The following RFTN1 variants were observed in gnomAD, a reference collection of about 807,000 sequenced individuals.
The protein encoded by RFTN1 is raftlin.
A neutral mutation model predicts 46.5 loss-of-function variants in RFTN1; 26 were observed. The ratio of observed to expected loss-of-function variants is 0.56; its 90% CI spans 0.41 to 0.78. The LOEUF (loss-of-function observed/expected upper bound fraction) is 0.78, where lower values mean the gene tolerates loss of function less well. Ranked by LOEUF, RFTN1 falls within the 30% of genes least tolerant of loss-of-function variation. RFTN1 has a pLI of 0.00. For missense variants in RFTN1, 693 were observed against 718.7 expected (o/e 0.96, Z 0.41); for synonymous variants, 261 against 284.2 (o/e 0.92, Z 0.82).
In RFTN1 at chr3:16,409,432, G is replaced by A. The variant is rs369536397; in HGVS notation, c.384C>T (p.Cys128=). The A allele has an allele frequency of 7.4e-6, 12 of 1,613,686 alleles. No individual in the cohort carries two copies. The highest frequency in any genetic ancestry group is 9.3e-6 in the Non-Finnish European group (11 of 1,179,724). The change falls in exon 4 of 10, where the codon TGC becomes TGT. Residue 128 remains cysteine, a synonymous_variant. Transcript: ENST00000334133. ...CTGTCGGGTGGTCTAAGGAGGAACA[G>A]CAATCTAATTCCAAGATGTAGCCTT... ...HNEGYILELD[C]CSSLDHPTDQ...
chr3:16,415,626 C>G (rs1448566629), intron 3 of RFTN1, among the ~76,000 whole-genome samples: 1 of 151,392 alleles, frequency 6.6e-6, no homozygotes, highest in Non-Finnish European at 1.5e-5. Context: ...GACCCTCCAC[C>G]ATGAAGAGGG....
In RFTN1 at chr3:16,459,217, C is replaced by T. The variant is rs2075965542; in HGVS notation, c.146-25180G>A. ...AAGTGCTGGAATTACAGGTATGAGC[C>T]ACTGTGCCTGGCCACTACTGTGTTT... On this transcript the variant is annotated intron_variant, in intron 2 of 9. Transcript: ENST00000334133. The surrounding 1 kb of genome is among the most constrained non-coding windows in gnomAD (Gnocchi z 4.2). Among the ~76,000 whole-genome samples the T allele has an allele frequency of 6.6e-6, 1 of 152,168 alleles. No individual in the cohort carries two copies. Among genetic ancestry groups the T allele is most frequent in the Admixed American group, 6.5e-5 (1 of 15,274 alleles).
rs548884774 is a variant in RFTN1, at chr3:16,337,728, G to A, written c.1147-10852C>T. Among the ~76,000 whole-genome samples, 31 of 139,394 alleles carry A rather than the reference G, an allele frequency of 2.2e-4. No homozygotes were observed. The South Asian group carries it at 2.7e-3, about 12-fold the overall frequency. The allele number at this position is 139,394 out of a possible 152,430, so 91.4% of individuals were successfully genotyped here. A position where few individuals can be genotyped will look rare whatever the true frequency, so the allele number is the denominator to read the frequency against. ...CTGCACTCCAGCCTGGCGACAGAGC[G>A]AGACTCCATCTCAAAAAAAAAAAAA... On this transcript the variant is annotated intron_variant, in intron 7 of 9. Coordinates refer to ENST00000334133, the MANE Select transcript of RFTN1 (RefSeq NM_015150.2). The surrounding 1 kb of genome is among the most constrained non-coding windows in gnomAD (Gnocchi z 5.0).
chr3:16,379,461 T>C (rs1850494), intron 4 of RFTN1, among the ~76,000 whole-genome samples: 103,501 of 151,900 alleles, frequency 0.68, 35,660 homozygotes, highest in African/African-American at 0.75. Flanking sequence ...CCTTCAATGA[T>C]GCTGCATGGT....
At chr3:16,490,217 T>C (rs1489084426) in intron 2 of RFTN1, among the ~76,000 whole-genome samples, 2 of 152,144 alleles carry the variant, frequency 1.3e-5, no homozygotes, top group African/African-American at 4.8e-5. Flanking sequence ...GTTTAATATA[T>C]GATGTAATCA....
chr3:16,399,277 T>A (rs991157981), intron 4 of RFTN1, among the ~76,000 whole-genome samples: 3 of 152,132 alleles, frequency 2.0e-5, no homozygotes, highest in African/African-American at 4.8e-5. Context: ...TTTTAAATTT[T>A]AAAAAAACAA....
At position 16,448,516 on chromosome 3, in the gene RFTN1, G is replaced by A. The variant is rs1008700567; in HGVS notation, c.146-14479C>T. Among the ~76,000 whole-genome samples the A allele has an allele frequency of 6.6e-6, 1 of 152,156 alleles. No individual in the cohort carries two copies. The highest frequency in any genetic ancestry group is 2.4e-5 in the African/African-American group (1 of 41,408). On this transcript the variant is annotated intron_variant, in intron 2 of 9. Coordinates refer to ENST00000334133, the MANE Select transcript of RFTN1 (RefSeq NM_015150.2). This position sits in a 1 kb window ranked among gnomAD's most constrained non-coding sequence, Gnocchi z 4.1. ...GACAAGCTGTCACAACCCTTACAAT[G>A]TGGGATCAAAAGAGTAACCTTCCTT...
In RFTN1 at chr3:16,322,713, C is replaced by T. The variant is rs1389735369; in HGVS notation, c.1332+663G>A. Among the ~76,000 whole-genome samples the T allele has an allele frequency of 1.3e-5, 2 of 152,170 alleles. No individual in the cohort carries two copies. The highest frequency in any genetic ancestry group is 2.9e-5 in the Non-Finnish European group (2 of 68,034). On this transcript the variant is annotated intron_variant, in intron 9 of 9. Transcript: ENST00000334133. This position sits in a 1 kb window ranked among gnomAD's most constrained non-coding sequence, Gnocchi z 6.2. ...ACCTCGTACAGCCCTTGTGCTCAAC[C>T]TTCAGGAATCACAGAGAAGACTCTC...
rs940413962 is a variant in RFTN1 at position 16,356,506 on chromosome 3, C to CTT, written c.1146+1424_1146+1425dup. 2.1e-4 allele frequency among the ~76,000 whole-genome samples: 32 copies of CTT among 152,324 alleles called. No individual in the cohort carries two copies. Among genetic ancestry groups the CTT allele is most frequent in the African/African-American group, 6.3e-4 (26 of 41,578 alleles). On this transcript the variant is annotated intron_variant, in intron 7 of 9. Transcript: ENST00000334133. This position sits in a 1 kb window ranked among gnomAD's most constrained non-coding sequence, Gnocchi z 4.9. Reference sequence around the variant, plus strand: ...AGACGCAGGTATGCCCCCCAACAGCCTTGCTCCTCACTTCACGTGTGCTGG... The same window carrying CTT: ...AGACGCAGGTATGCCCCCCAACAGCCTTTTGCTCCTCACTTCACGTGTGCTGG...
At chr3:16,362,967 G>T (rs550625960) in intron 6 of RFTN1, among the ~76,000 whole-genome samples, 40 of 152,240 alleles carry the variant, frequency 2.6e-4, no homozygotes, top group African/African-American at 7.5e-4. Context: ...TAGCTTGAGG[G>T]CATGAAGGAG....
rs1451914702 is a variant in RFTN1 at position 16,447,183 on chromosome 3, A to G, written c.146-13146T>C. On this transcript the variant is annotated intron_variant, in intron 2 of 9. Coordinates refer to ENST00000334133, the MANE Select transcript of RFTN1 (RefSeq NM_015150.2). The surrounding 1 kb of genome is among the most constrained non-coding windows in gnomAD (Gnocchi z 5.9). Reference sequence around the variant, plus strand: ...AGCCACAAAACCATTCACTAAGTCTACATAAAGTTCTATGCATTGTAAATG... The same window carrying G: ...AGCCACAAAACCATTCACTAAGTCTGCATAAAGTTCTATGCATTGTAAATG... Among the ~76,000 whole-genome samples the G allele has an allele frequency of 6.6e-6, 1 of 152,246 alleles. No homozygotes were observed. Among genetic ancestry groups the G allele is most frequent in the Non-Finnish European group, 1.5e-5 (1 of 68,056 alleles).
chr3:16,403,842 A>T (rs2074701116), intron 4 of RFTN1, among the ~76,000 whole-genome samples: 1 of 10,262 alleles, frequency 9.7e-5, no homozygotes, highest in African/African-American at 5.5e-4. Context: ...TAAATATAAT[A>T]TAATATATAT....
intron 3 of RFTN1, among the ~76,000 whole-genome samples, chr3:16,423,835 A>G (rs2075241392): frequency 6.6e-6 from 1 of 152,248 alleles, no homozygotes; most frequent in East Asian, 1.9e-4. Flanking sequence ...AATCGTGTCC[A>G]TCTCATTCTC....
chr3:16,420,843 T>C (rs2075169751), intron 3 of RFTN1, among the ~76,000 whole-genome samples: 1 of 152,244 alleles, frequency 6.6e-6, no homozygotes, highest in African/African-American at 2.4e-5. Flanking sequence ...GTGCAAATCA[T>C]CTGGAACCTC....
Position 16,400,885 on chromosome 3 carries a change from C to T in RFTN1, c.441+8490G>A, listed in dbSNP as rs886357863. ...CATTAGGAACATCTAAGCCTGTAAC[C>T]TTCCTCCTCCCTCCCCTGCCAGCAT... is the stretch of plus-strand genomic sequence containing the variant. On this transcript the variant is annotated intron_variant, in intron 4 of 9. Coordinates refer to ENST00000334133, the MANE Select transcript of RFTN1 (RefSeq NM_015150.2). This position sits in a 1 kb window ranked among gnomAD's most constrained non-coding sequence, Gnocchi z 4.5. Among the ~76,000 whole-genome samples, 1 of 152,108 alleles carries T rather than the reference C, an allele frequency of 6.6e-6. No individual in the cohort carries two copies. Among genetic ancestry groups the T allele is most frequent in the Non-Finnish European group, 1.5e-5 (1 of 68,008 alleles).
Position 16,329,725 on chromosome 3 carries a change from G to A in RFTN1, c.1147-2849C>T, listed in dbSNP as rs1451035552. ...AAATCCACACTCTCAAGCTTTGCGA[G>A]GTTATGATTACTTGGGCCTATCAAG... On this transcript the variant is annotated intron_variant, in intron 7 of 9. Coordinates refer to ENST00000334133, the MANE Select transcript of RFTN1 (RefSeq NM_015150.2). The surrounding 1 kb of genome is among the most constrained non-coding windows in gnomAD (Gnocchi z 4.5). 6.6e-6 allele frequency among the ~76,000 whole-genome samples: 1 copy of A among 152,180 alleles called. No homozygotes were observed. Among genetic ancestry groups the A allele is most frequent in the Non-Finnish European group, 1.5e-5 (1 of 68,036 alleles).
chr3:16,411,646 C>T (rs780236745), intron 3 of RFTN1, among the ~76,000 whole-genome samples: 1 of 152,158 alleles, frequency 6.6e-6, no homozygotes, highest in Non-Finnish European at 1.5e-5. Flanking sequence ...TTAAGAGGAA[C>T]TAAGGCAGAT....
chr3:16,411,742 A>G (rs537417188), intron 3 of RFTN1, among the ~76,000 whole-genome samples: 1 of 152,364 alleles, frequency 6.6e-6, no homozygotes, highest in Non-Finnish European at 1.5e-5. Context: ...AATCAGGATG[A>G]GGGAGAGGGG....
At chr3:16,401,213 C>T (rs1458362588) in intron 4 of RFTN1, among the ~76,000 whole-genome samples, 2 of 151,776 alleles carry the variant, frequency 1.3e-5, no homozygotes, top group Non-Finnish European at 2.9e-5. Context: ...ATCCCAGCTA[C>T]TTGGGAGGCT....
Sources: allele counts gnomAD v4.1 joint callset (sites outside exome capture counted in the v4.1 genomes callset), GRCh38; gene constraint gnomAD v4.1.1; non-coding constraint Gnocchi (gnomAD v3.1); transcripts MANE v1.5; gene names NCBI Gene and HGNC (gene_info 2026-07-23, HGNC 2026-07-21).